CAPN3: variants seen among roughly 807,000 people sequenced by gnomAD.
CAPN3 encodes the protein calpain-3.
Under a neutral mutation model 114.0 loss-of-function variants are expected in CAPN3, and 88 were observed. That is an observed-to-expected ratio of 0.77 (90% CI 0.65 to 0.92). The LOEUF is 0.92. Among genes scored for constraint, CAPN3 ranks in the 40% least tolerant of loss-of-function variants. The probability of loss-of-function intolerance (pLI) is 0.00; values close to 1 mark genes in which losing one functional copy is unlikely to be tolerated. For synonymous variants in CAPN3, 386 were observed against 382.9 expected, an observed-to-expected ratio of 1.01 and a Z score of -0.09; for missense variants, 1,028 against 1,069.0, an observed-to-expected ratio of 0.96 and a Z score of 0.53.
At position 42,411,672 on chromosome 15, in the gene CAPN3, C is replaced by T. The variant is rs184526584; in HGVS notation, c.2440-75C>T. The T allele has an allele frequency of 1.5e-4, 129 of 876,600 alleles. No individual in the cohort carries two copies. The African/African-American group carries it at 1.9e-3, about 13-fold the overall frequency. The allele number at this position is 876,600 out of a possible 1,614,324, so 54.3% of individuals were successfully genotyped here. On this transcript the variant is annotated intron_variant, in intron 23 of 23. Coordinates refer to ENST00000397163, the MANE Select transcript of CAPN3 (RefSeq NM_000070.3). ...GGGACTGTTCCCTTTCCTCTTGCCC[C>T]GTAAGATTCCTAGGGCGGGGGGGGG...
intron 1 of CAPN3, among the ~76,000 whole-genome samples, chr15:42,362,193 C>T (rs1056068844): frequency 1.3e-5 from 2 of 152,096 alleles, no homozygotes; most frequent in Non-Finnish European, 2.9e-5. Context: ...GTGGGAGCAT[C>T]AATTGAGCTC....
chr15:42,387,699 C>T (rs2053439875), intron 3 of CAPN3, 54 bp from the exon 4 acceptor site: 1 of 1,608,628 alleles, frequency 6.2e-7, no homozygotes, highest in South Asian at 1.1e-5. Context: ...AGGAAGGACA[C>T]ATTTCCTAAC....
At position 42,386,068 on chromosome 15, in the gene CAPN3, TC is replaced by T. The variant is rs1479228729; in HGVS notation, c.380-95del. The T allele has an allele frequency of 8.3e-6, 7 of 838,412 alleles. No homozygotes were observed. In the East Asian group the frequency reaches 9.6e-5, roughly 12 times the overall value. The allele number at this position is 838,412 out of a possible 1,614,324, so 51.9% of individuals were successfully genotyped here. ...AGTAGGAGAGTGGGCACCAAGGGAGTCCCCGTTCAGGGAAGTGGAGTGGCTG... is the reference window on the plus strand; with the variant it reads ...AGTAGGAGAGTGGGCACCAAGGGAGTCCCGTTCAGGGAAGTGGAGTGGCTG... On this transcript the variant is annotated intron_variant, in intron 2 of 23. Transcript: ENST00000397163.
rs28364380 is a variant in CAPN3, at chr15:42,373,354, G to A, written c.310-11129G>A. Among the ~76,000 whole-genome samples the A allele has an allele frequency of 5.9e-3, 893 of 152,312 alleles. 3 individuals are homozygous for A. The highest frequency in any genetic ancestry group is 0.01 in the Middle Eastern group (3 of 294). ...TGTATTTTCAACTGGCAGACCAGATGATTCTGATGCATGAAGTTCAAAGAT... is the reference window on the plus strand; with the variant it reads ...TGTATTTTCAACTGGCAGACCAGATAATTCTGATGCATGAAGTTCAAAGAT... On this transcript the variant is annotated intron_variant, in intron 1 of 23. Transcript: ENST00000397163.
At chr15:42,405,802 T>G (rs1408625999) in intron 14 of CAPN3, 124 bp from the exon 15 acceptor site, 1 of 744,216 alleles carries the variant, frequency 1.3e-6, no homozygotes, top group Non-Finnish European at 2.4e-6. Flanking sequence ...GTGATTCAGA[T>G]TTCTGGACCC....
At chr15:42,399,757 C>T in intron 10 of CAPN3, 105 bp downstream of exon 10, 6 of 964,668 alleles carry the variant, frequency 6.2e-6, no homozygotes, top group South Asian at 1.7e-5. Context: ...CGTCCACTAT[C>T]TTATTAAACC....
chr15:42,396,891 C>G lies in CAPN3; in HGVS notation c.1193+14C>G, dbSNP rs1195933538. The G allele has an allele frequency of 6.3e-7, 1 of 1,584,706 alleles. No homozygotes were observed. The highest frequency in any genetic ancestry group is 2.2e-5 in the East Asian group (1 of 44,754). ...TGGAGAGTTCTGGTGAGTCCAGAAC[C>G]CAGGAAGACCCAGAAGGGTAAGGGT... is the stretch of plus-strand genomic sequence containing the variant. On this transcript the variant is annotated intron_variant, in intron 9 of 23. Transcript: ENST00000397163.
chr15:42,388,592 C>T (rs1312965611), intron 4 of CAPN3, among the ~76,000 whole-genome samples: 1 of 152,128 alleles, frequency 6.6e-6, no homozygotes, highest in Non-Finnish European at 1.5e-5. Context: ...CCGGTGTGAG[C>T]CACCACACCG....
At chr15:42,410,025 T>C (rs1337946094) in intron 19 of CAPN3, 30 bp downstream of exon 19, 1 of 1,605,894 alleles carries the variant, frequency 6.2e-7, no homozygotes, top group Admixed American at 1.7e-5. Flanking sequence ...TTCCCGACCC[T>C]CTGTCATCAG....
chr15:42,392,042 G>A (rs545471135), intron 6 of CAPN3, among the ~76,000 whole-genome samples: 1 of 152,204 alleles, frequency 6.6e-6, no homozygotes, highest in South Asian at 2.1e-4. Context: ...GCACGTGCCT[G>A]TAATCCCAGC....
chr15:42,407,979 A>G (rs1212450190), intron 15 of CAPN3, among the ~76,000 whole-genome samples: 1 of 152,174 alleles, frequency 6.6e-6, no homozygotes, highest in Non-Finnish European at 1.5e-5. Context: ...TCACGTGCTG[A>G]GCTCTCAATA....
At chr15:42,410,023 C>T (rs747058772) in intron 19 of CAPN3, 28 bp downstream of exon 19, 20 of 1,606,136 alleles carry the variant, frequency 1.2e-5, no homozygotes, top group Middle Eastern at 4.5e-4. Flanking sequence ...CCTTCCCGAC[C>T]CTCTGTCATC....
chr15:42,402,535 C>T (rs958485052), intron 12 of CAPN3: 39 of 1,445,252 alleles, frequency 2.7e-5, no homozygotes, highest in Admixed American at 1.7e-4. Flanking sequence ...TGAGGGGCTT[C>T]GGAGCTGAGG....
intron 9 of CAPN3, among the ~76,000 whole-genome samples, chr15:42,397,660 T>C (rs74874708): frequency 6.8e-6 from 1 of 147,722 alleles, no homozygotes; most frequent in Non-Finnish European, 1.5e-5. Context: ...AAAAAAAAAA[T>C]GTTGTCTTAG....
rs753253447 is a variant in CAPN3, at chr15:42,410,707, C to T, written c.2263+41C>T. 44 of 1,550,648 alleles carry T rather than the reference C, an allele frequency of 2.8e-5. No homozygotes were observed. The Middle Eastern group carries it at 5.0e-4, about 18-fold the overall frequency. On this transcript the variant is annotated intron_variant, in intron 21 of 23. Transcript: ENST00000397163. ...GGGTGGCAGGGATGTGGACCCGAGA[C>T]GGTGGGAGCAGGAATGGGAGGGGAC...
At chr15:42,403,614 T>C (rs2053938360) in intron 13 of CAPN3, 127 bp from the exon 14 acceptor site, 2 of 860,086 alleles carry the variant, frequency 2.3e-6, no homozygotes, top group African/African-American at 1.7e-5. Flanking sequence ...GTTGGGGTGT[T>C]CCAGGGGTTC....
intron 21 of CAPN3, 104 bp from the exon 22 acceptor site, chr15:42,410,780 A>G (rs2141224970): frequency 3.1e-5 from 42 of 1,350,856 alleles, no homozygotes; most frequent in Non-Finnish European, 4.3e-5. Flanking sequence ...AGGGCTTCTC[A>G]CTTTCCCTTC....
rs1595837194 is a variant in CAPN3, at chr15:42,401,781, C to T, written c.1495C>T (p.Leu499Phe). 2 of 1,613,964 alleles carry T rather than the reference C, an allele frequency of 1.2e-6. No homozygotes were observed. Among genetic ancestry groups the T allele is most frequent in the Non-Finnish European group, 1.7e-6 (2 of 1,179,934 alleles). The change falls in exon 11 of 24, where the codon CTC becomes TTC. Residue 499 changes from leucine to phenylalanine, a missense_variant. Leu to Phe is a conservative substitution (Grantham distance 22, BLOSUM62 0). Coordinates refer to ENST00000397163, the MANE Select transcript of CAPN3 (RefSeq NM_000070.3). Reference sequence around the variant, plus strand: ...GAAGGACCGGAAGCTAGGGGCCAGTCTCTTCACCATTGGCTTCGCCATCTA... The same window carrying T: ...GAAGGACCGGAAGCTAGGGGCCAGTTTCTTCACCATTGGCTTCGCCATCTA... Reference protein sequence around the residue: ...RRKDRKLGASLFTIGFAIYEV... With the variant: ...RRKDRKLGASFFTIGFAIYEV...
chr15:42,394,231 T>C (rs757651840), intron 7 of CAPN3, 25 bp from the exon 8 acceptor site: 3 of 1,543,262 alleles, frequency 1.9e-6, no homozygotes, highest in East Asian at 4.9e-5. Context: ...CTGCAGAGCA[T>C]GAGAGCTCTT....
Sources: gnomAD v4.1 joint callset for allele counts (sites outside exome capture counted in the v4.1 genomes callset) on GRCh38, gnomAD v4.1.1 for gene constraint, MANE v1.5 for transcripts, NCBI Gene and HGNC (gene_info 2026-07-23, HGNC 2026-07-21) for gene names.